Variants in GRIA3 observed in about 807,000 individuals in gnomAD.
GRIA3 encodes glutamate receptor 3.
In GRIA3, 3 loss-of-function variants were observed where a neutral mutation model predicts 63.0. The ratio of observed to expected loss-of-function variants is 0.05; its 90% CI spans 0.02 to 0.12. The LOEUF is 0.12. GRIA3 is among the 10% of genes least tolerant of loss of function. GRIA3 has a pLI of 1.00. For missense variants in GRIA3, 347 were observed against 700.9 expected (o/e 0.50, Z 5.70); for synonymous variants, 274 against 257.9 (o/e 1.06, Z -0.60).
At chrX:123,355,301 A>G (rs897662965) in intron 5 of GRIA3, among the ~76,000 whole-genome samples, 5 of 112,459 alleles carry the variant, frequency 4.4e-5, no homozygotes, top group Admixed American at 9.5e-5. Flanking sequence ...CTCTTTCCCA[A>G]TTGATTCAAG....
At chrX:123,325,513 T>C (rs1727458709) in intron 3 of GRIA3, among the ~76,000 whole-genome samples, 1 of 111,988 alleles carries the variant, frequency 8.9e-6, no homozygotes, top group Admixed American at 9.5e-5. Flanking sequence ...TTATAGATTG[T>C]CTTTTTCAGG....
At position 123,253,283 on chromosome X, in the gene GRIA3, TTC is replaced by T; in HGVS notation, c.269-16_269-15del. On this transcript the variant is annotated intron_variant, in intron 2 of 15. Transcript: ENST00000620443. ...AGGACCATGGAGCTATTGAATCTTT[TTC>T]TCTTTTTCTCATTGCAGTCTGCTCC... 6.6e-6 allele frequency: 8 copies of T among 1,208,197 alleles called. No homozygotes were observed. Among genetic ancestry groups the T allele is most frequent in the Non-Finnish European group, 9.0e-6 (8 of 892,628 alleles).
intron 4 of GRIA3, among the ~76,000 whole-genome samples, chrX:123,338,348 C>T (rs1341833068): frequency 3.6e-5 from 4 of 111,617 alleles, no homozygotes; most frequent in East Asian, 2.8e-4. Context: ...GCTTCCCCAA[C>T]GACTCTGTCA....
chrX:123,275,927 C>T (rs934877262), intron 3 of GRIA3, among the ~76,000 whole-genome samples: 2 of 112,134 alleles, frequency 1.8e-5, no homozygotes, highest in Non-Finnish European at 3.8e-5. Context: ...ATTTTGAGGC[C>T]AAGGATTATT....
intron 12 of GRIA3, among the ~76,000 whole-genome samples, chrX:123,458,504 C>T (rs763790249): frequency 9.0e-6 from 1 of 111,213 alleles, no homozygotes; most frequent in Admixed American, 9.6e-5. Flanking sequence ...CTAGGGAGTG[C>T]CTCTTCACCA....
At chrX:123,393,933 A>C (rs1228711291) in intron 5 of GRIA3, among the ~76,000 whole-genome samples, 2 of 112,150 alleles carry the variant, frequency 1.8e-5, no homozygotes, top group Non-Finnish European at 3.8e-5. Flanking sequence ...CTTGTCCCAG[A>C]AGATAATAAT....
At chrX:123,204,377 A>G in intron 2 of GRIA3, 4 of 1,144,780 alleles carry the variant, frequency 3.5e-6, no homozygotes, top group Non-Finnish European at 4.7e-6. Context: ...GTGCTGAACA[A>G]TATTTTACCT....
intron 5 of GRIA3, among the ~76,000 whole-genome samples, chrX:123,362,432 A>G (rs1393294989): frequency 2.7e-5 from 3 of 111,518 alleles, no homozygotes; most frequent in Admixed American, 9.6e-5. Flanking sequence ...CGAAACAGGG[A>G]GAGTTCATGC....
chrX:123,391,112 C>G (rs1216074323), intron 5 of GRIA3, among the ~76,000 whole-genome samples: 4 of 111,271 alleles, frequency 3.6e-5, no homozygotes, highest in African/African-American at 1.3e-4. Flanking sequence ...TCTTTAGTAT[C>G]ATTATTGTGA....
intron 2 of GRIA3, among the ~76,000 whole-genome samples, chrX:123,199,557 T>C (rs1277255201): frequency 2.7e-5 from 3 of 111,475 alleles, no homozygotes; most frequent in Non-Finnish European, 5.7e-5. Context: ...ACACAGCTAA[T>C]TGATAACTGA....
intron 4 of GRIA3, among the ~76,000 whole-genome samples, chrX:123,339,450 A>G (rs1320088167): frequency 8.9e-6 from 1 of 112,129 alleles, no homozygotes; most frequent in Non-Finnish European, 1.9e-5. Context: ...TGAAAAACCA[A>G]TAAGACATAG....
At chrX:123,207,880 A>G (rs948140106) in intron 2 of GRIA3, among the ~76,000 whole-genome samples, 10 of 111,627 alleles carry the variant, frequency 9.0e-5, no homozygotes, top group African/African-American at 2.9e-4. Context: ...GAACCAGCCA[A>G]GTATATAGGG....
intron 3 of GRIA3, among the ~76,000 whole-genome samples, chrX:123,276,689 C>T (rs1006649510): frequency 4.5e-5 from 5 of 111,511 alleles, no homozygotes; most frequent in Non-Finnish European, 9.4e-5. Flanking sequence ...GGCAGTCTAA[C>T]TTTAGTGCTC....
chrX:123,215,350 T>G (rs1426985117), intron 2 of GRIA3, among the ~76,000 whole-genome samples: 1 of 112,088 alleles, frequency 8.9e-6, no homozygotes, highest in African/African-American at 3.2e-5. Context: ...CAATTATCTC[T>G]ACCTCAGGGA....
At chrX:123,250,498 C>T (rs1013324421) in intron 2 of GRIA3, among the ~76,000 whole-genome samples, 5 of 111,623 alleles carry the variant, frequency 4.5e-5, no homozygotes, top group African/African-American at 1.6e-4. Flanking sequence ...TATATTCCCC[C>T]TCAATTATTG....
rs1362562019 is a variant in GRIA3, at chrX:123,339,147, G to T, written c.696+12934G>T. Among the ~76,000 whole-genome samples the T allele has an allele frequency of 3.6e-5, 4 of 111,964 alleles. No individual in the cohort carries two copies. The East Asian group carries it at 1.1e-3, about 31-fold the overall frequency. The stretch of plus-strand genomic sequence containing the variant: ...TAACAGAGATATTTTTGCATAAAGA[G>T]AACCATCTCAGACTAGGTTCTTTGT... On this transcript the variant is annotated intron_variant, in intron 4 of 15. Coordinates refer to ENST00000620443, the MANE Select transcript of GRIA3 (RefSeq NM_007325.5).
intron 2 of GRIA3, among the ~76,000 whole-genome samples, chrX:123,248,345 C>A (rs572405168): frequency 2.7e-5 from 3 of 112,613 alleles, no homozygotes; most frequent in African/African-American, 9.7e-5. Context: ...AGTTACGCAG[C>A]TTATGACTGG....
intron 5 of GRIA3, among the ~76,000 whole-genome samples, chrX:123,357,481 A>G (rs1294935617): frequency 9.5e-6 from 1 of 105,146 alleles, no homozygotes; most frequent in Non-Finnish European, 1.9e-5. Flanking sequence ...TGTGGGTTAT[A>G]TGAGATATTT....
rs184643565 is a variant in GRIA3 at position 123,231,758 on chromosome X, C to T, written c.269-21545C>T. 1.4e-3 allele frequency among the ~76,000 whole-genome samples: 150 copies of T among 110,597 alleles called. 2 individuals are homozygous for T. The highest frequency in any genetic ancestry group is 4.3e-3 in the African/African-American group (131 of 30,470). On this transcript the variant is annotated intron_variant, in intron 2 of 15. Transcript: ENST00000620443. ...TAGATGGCATATGGAAAGGTGCTTG[C>T]AGTCCAAAACTATCCCAGCTCCCCC... is the stretch of plus-strand genomic sequence containing the variant.
Sources: gnomAD v4.1 joint callset for allele counts (sites outside exome capture counted in the v4.1 genomes callset) on GRCh38, gnomAD v4.1.1 for gene constraint, MANE v1.5 for transcripts, NCBI Gene and HGNC (gene_info 2026-07-23, HGNC 2026-07-21) for gene names.